The following SELP variants were observed in gnomAD, a reference collection of about 807,000 sequenced individuals.
SELP encodes selectin P.
Under a neutral mutation model 104.1 loss-of-function variants are expected in SELP, and 92 were observed. The ratio of observed to expected loss-of-function variants is 0.88; its 90% confidence interval spans 0.75 to 1.05. The LOEUF (loss-of-function observed/expected upper bound fraction) is 1.05. Ranked by LOEUF, SELP falls within the 50% of genes least tolerant of loss-of-function variation. The pLI is 0.00. For missense variants in SELP, 1,022 were observed against 1,017.3 expected (o/e 1.00, Z -0.06); for synonymous variants, 397 against 364.5 (o/e 1.09, Z -1.01).
At chr1:169,600,479 C>T (rs528652921) in intron 10 of SELP, among the ~76,000 whole-genome samples, 1 of 152,132 alleles carries the variant, frequency 6.6e-6, no homozygotes. Context: ...ATTCCCCCTG[C>T]AGATACTGAG....
At chr1:169,594,632 A>C in intron 13 of SELP, 60 bp downstream of exon 13, 1 of 1,532,814 alleles carries the variant, frequency 6.5e-7, no homozygotes, top group South Asian at 1.2e-5. Context: ...ACAGGGAAGA[A>C]ACACTGATTT....
At chr1:169,603,001 A>G (rs1294382014) in intron 10 of SELP, 25 bp downstream of exon 10, 4 of 1,576,838 alleles carry the variant, frequency 2.5e-6, no homozygotes, top group Non-Finnish European at 3.5e-6. Flanking sequence ...TTAAAGCCAT[A>G]AGAAAGGACA....
intron 15 of SELP, among the ~76,000 whole-genome samples, chr1:169,590,473 C>G (rs564008879): frequency 2.9e-4 from 44 of 152,222 alleles, no homozygotes; most frequent in Non-Finnish European, 5.4e-4. Flanking sequence ...GCAACCTCTT[C>G]TAGGTGACAA....
At chr1:169,619,824 A>C (rs151206111) in intron 1 of SELP, among the ~76,000 whole-genome samples, 1 of 152,178 alleles carries the variant, frequency 6.6e-6, no homozygotes, top group African/African-American at 2.4e-5. Context: ...TATGCAGTAA[A>C]CTTGTTCCCC....
intron 1 of SELP, among the ~76,000 whole-genome samples, chr1:169,629,491 T>C (rs755710922): frequency 1.1e-4 from 17 of 152,232 alleles, no homozygotes; most frequent in Non-Finnish European, 4.4e-5. Context: ...AACTGAGTCA[T>C]TAACAAGATT....
intron 3 of SELP, 68 bp downstream of exon 3, chr1:169,616,954 GTTATGT>G: frequency 7.5e-6 from 11 of 1,472,522 alleles, no homozygotes; most frequent in South Asian, 5.7e-5. Context: ...TGACTCGGTG[GTTATGT>G]TGGCCAACCA....
chr1:169,628,192 G>C (rs1018260700), intron 1 of SELP, among the ~76,000 whole-genome samples: 1 of 152,144 alleles, frequency 6.6e-6, no homozygotes, highest in Non-Finnish European at 1.5e-5. Flanking sequence ...CACTGAGCCC[G>C]GCCATAGCCC....
intron 8 of SELP, among the ~76,000 whole-genome samples, chr1:169,608,414 A>G (rs752868644): frequency 2.6e-5 from 4 of 152,062 alleles, no homozygotes; most frequent in Non-Finnish European, 5.9e-5. Context: ...TTCTGTCTCT[A>G]TGACTTTGAC....
At chr1:169,615,260 G>C (rs570945589) in intron 3 of SELP, among the ~76,000 whole-genome samples, 1 of 152,100 alleles carries the variant, frequency 6.6e-6, no homozygotes, top group Admixed American at 6.6e-5. Context: ...GATAATTGAT[G>C]CTTCTCTACA....
intron 15 of SELP, among the ~76,000 whole-genome samples, chr1:169,590,480 A>G (rs1339728706): frequency 1.3e-5 from 2 of 152,242 alleles, no homozygotes; most frequent in African/African-American, 4.8e-5. Flanking sequence ...CTTCTAGGTG[A>G]CAAGAGGTAG....
At position 169,596,053 on chromosome 1, in the gene SELP, T is replaced by C. The variant is rs1661592163; in HGVS notation, c.1973A>G (p.His658Arg). Residue 658 changes from histidine to arginine, a missense_variant, in exon 12 of 17, where the codon CAT becomes CGT. Coordinates refer to ENST00000263686, the MANE Select transcript of SELP (RefSeq NM_003005.4). ...PGQGTMYCRHHPGTFGFNTTC... is the reference protein window; with the variant it reads ...PGQGTMYCRHRPGTFGFNTTC... ...GGTATTAAAACCAAAGGTTCCCGGA[T>C]GATGCCTACAGTACATGGTTCCCTG... 6.2e-7 allele frequency: 1 copy of C among 1,613,934 alleles called. No individual in the cohort carries two copies. Among genetic ancestry groups the C allele is most frequent in the Non-Finnish European group, 8.5e-7 (1 of 1,179,840 alleles).
chr1:169,594,605 A>G, intron 13 of SELP, 87 bp downstream of exon 13: 1 of 1,321,830 alleles, frequency 7.6e-7, no homozygotes, highest in Non-Finnish European at 1.1e-6. Flanking sequence ...GGAAAGCAAG[A>G]CCACTATGAG....
intron 10 of SELP, among the ~76,000 whole-genome samples, chr1:169,599,799 A>T (rs1661810120): frequency 6.6e-6 from 1 of 152,184 alleles, no homozygotes. Context: ...AGGGGGCACC[A>T]GTTCACCATA....
rs6124 is a variant in SELP, at chr1:169,612,276, G to A, written c.902C>T (p.Pro301Leu). The change falls in exon 6 of 17, where the codon CCG becomes CTG. Residue 301 changes from proline to leucine, a missense_variant. Physicochemically the swap from Pro to Leu is moderately conservative, Grantham distance 98 (BLOSUM62 -3). Coordinates refer to ENST00000263686, the MANE Select transcript of SELP (RefSeq NM_003005.4). ...SCEEGFALVGPEVVQCTASGV... is the reference protein window; with the variant it reads ...SCEEGFALVGLEVVQCTASGV... ...CGAGGCTGTGCATTGCACCACTTCC[G>A]GTCCAACTAATGCAAATCCCTCTTC... 9.9e-5 allele frequency: 159 copies of A among 1,614,110 alleles called. No homozygotes were observed. The African/African-American group carries it at 1.2e-3, about 12-fold the overall frequency.
At chr1:169,609,761 A>G in intron 7 of SELP, 72 bp from the exon 8 acceptor site, 3 of 1,386,852 alleles carry the variant, frequency 2.2e-6, no homozygotes, top group Non-Finnish European at 3.0e-6. Context: ...AAATTCCTAG[A>G]TGCTATATCT....
At position 169,617,030 on chromosome 1, in the gene SELP, G is replaced by C; in HGVS notation, c.479C>G (p.Thr160Arg). Residue 160 changes from threonine to arginine, a missense_variant and splice_region_variant, in exon 3 of 17, where the codon ACA becomes AGA. By Grantham distance (71) the Thr-to-Arg change is moderately conservative. Coordinates refer to ENST00000263686, the MANE Select transcript of SELP (RefSeq NM_003005.4). ...CLKKKHALCYTASCQDMSCSK... is the reference protein window; with the variant it reads ...CLKKKHALCYRASCQDMSCSK... ...TTTCAAAGTAGAGAAGGCCCTACCT[G>C]TGTAACACAATGCGTGCTTTTTCTT... 6.2e-7 allele frequency: 1 copy of C among 1,606,604 alleles called. No homozygotes were observed. The highest frequency in any genetic ancestry group is 8.5e-7 in the Non-Finnish European group (1 of 1,176,178).
At chr1:169,615,652 T>C (rs908724571) in intron 3 of SELP, among the ~76,000 whole-genome samples, 1 of 152,116 alleles carries the variant, frequency 6.6e-6, no homozygotes, top group Non-Finnish European at 1.5e-5. Context: ...TGAGCTAATA[T>C]CCTGGTAATG....
At chr1:169,606,002 A>G (rs1662174459) in intron 9 of SELP, among the ~76,000 whole-genome samples, 1 of 152,202 alleles carries the variant, frequency 6.6e-6, no homozygotes, top group Non-Finnish European at 1.5e-5. Context: ...CAATACTGAC[A>G]GAGCACACTG....
intron 8 of SELP, 104 bp from the exon 9 acceptor site, chr1:169,607,238 T>C (rs1662249627): frequency 1.1e-6 from 1 of 934,862 alleles, no homozygotes; most frequent in Non-Finnish European, 1.5e-6. Flanking sequence ...ATTCCTGAAT[T>C]GGGCTTGTTT....
Sources: allele counts gnomAD v4.1 joint callset (sites outside exome capture counted in the v4.1 genomes callset), GRCh38; gene constraint gnomAD v4.1.1; transcripts MANE v1.5; gene names NCBI Gene and HGNC (gene_info 2026-07-23, HGNC 2026-07-21).